Variants in CD2BP2 observed in about 807,000 individuals in gnomAD.
CD2BP2 encodes the protein CD2 cytoplasmic tail binding protein 2, also known as CD2 antigen cytoplasmic tail-binding protein 2.
Under a neutral mutation model 35.9 loss-of-function variants are expected in CD2BP2, and 27 were observed. The ratio of observed to expected loss-of-function variants is 0.75; its 90% CI spans 0.55 to 1.04. CD2BP2 has a LOEUF of 1.04. CD2BP2 is among the 50% of genes least tolerant of loss of function. CD2BP2 has a pLI of 0.00. For synonymous variants in CD2BP2, 213 were observed against 173.5 expected (o/e 1.23, Z -1.79); for missense variants, 497 against 444.3 (o/e 1.12, Z -1.07).
Position 30,353,714 on chromosome 16 carries a change from G to C in CD2BP2, c.462C>G (p.Ala154=). The change falls in exon 5 of 7, where the codon GCC becomes GCG. Residue 154 remains alanine, a synonymous_variant. Transcript: ENST00000305596. Reference sequence around the variant, plus strand: ...CCAAAAGTCCCTCCAAGAGGGCTTGGGCACTCATTGAGGTCTGGCCCAAGC... The same window carrying C: ...CCAAAAGTCCCTCCAAGAGGGCTTGCGCACTCATTGAGGTCTGGCCCAAGC... The part of the protein sequence containing the change: ...EDSLGQTSMS[A]QALLEGLLEL... The C allele has an allele frequency of 6.2e-7, 1 of 1,613,334 alleles. No homozygotes were observed. The highest frequency in any genetic ancestry group is 2.2e-5 in the East Asian group (1 of 44,882).
chr16:30,354,556 G>C, intron 2 of CD2BP2, 48 bp downstream of exon 2: 1 of 1,584,618 alleles, frequency 6.3e-7, no homozygotes, highest in Non-Finnish European at 8.7e-7. Flanking sequence ...TTCCTCTTCA[G>C]GCTTCTAGCT....
rs751605539 is a variant in CD2BP2, at chr16:30,353,293, A to G, written c.809-6T>C. ...ATCTCCCCGCGACTCTGCTTCTAAA[A>G]TAACAGGCAAAGCCATTTGGCCTCC... On this transcript the variant is annotated splice_polypyrimidine_tract_variant and splice_region_variant and intron_variant, in intron 5 of 6. Transcript: ENST00000305596. 5 of 1,614,096 alleles carry G rather than the reference A, an allele frequency of 3.1e-6. No homozygotes were observed. In the East Asian group the frequency reaches 6.7e-5, roughly 22 times the overall value.
chr16:30,353,234 C>T lies in CD2BP2; in HGVS notation c.862G>A (p.Glu288Lys), dbSNP rs766420226. 1.3e-5 allele frequency: 21 copies of T among 1,614,056 alleles called. No homozygotes were observed. Among genetic ancestry groups the T allele is most frequent in the Non-Finnish European group, 1.8e-5 (21 of 1,180,040 alleles). Reference protein sequence around the residue: ...LVDVMWEYKWENTGDAELYGP... With the variant: ...LVDVMWEYKWKNTGDAELYGP... ...TACAGCTCGGCATCCCCCGTGTTCT[C>T]CCACTTATATTCCCACATCACATCC... The change falls in exon 6 of 7, where the codon GAG becomes AAG. Residue 288 changes from glutamate to lysine, a missense_variant. Transcript: ENST00000305596.
Position 30,354,321 on chromosome 16 carries a change from A to G in CD2BP2, c.80T>C (p.Leu27Pro). Reference sequence around the variant, plus strand: ...CCCTGACCCAGCCACAGGGTCCACCAGCTGTGAGCAGGAGCCAGAAAGTTG... The same window carrying G: ...CCCTGACCCAGCCACAGGGTCCACCGGCTGTGAGCAGGAGCCAGAAAGTTG... The part of the protein sequence containing the change: ...EDEIIVPKKK[L>P]VDPVAGSGGP... The change falls in exon 3 of 7, where the codon CTG becomes CCG. Residue 27 changes from leucine (L) to proline (P), a missense_variant and splice_region_variant. Leu to Pro is a moderately conservative substitution (Grantham distance 98, BLOSUM62 -3). Transcript: ENST00000305596. 1.9e-6 allele frequency: 3 copies of G among 1,611,038 alleles called. No homozygotes were observed. The highest frequency in any genetic ancestry group is 2.5e-6 in the Non-Finnish European group (3 of 1,179,006).
At chr16:30,354,934 C>T (rs1469934989) in intron 1 of CD2BP2, 7 of 495,772 alleles carry the variant, frequency 1.4e-5, no homozygotes, top group Admixed American at 1.0e-4. Context: ...CTGGATCCCC[C>T]GACCCTGGCT....
rs141639600 is a variant in CD2BP2, at chr16:30,353,276, G to A, written c.820C>T (p.Arg274Trp). 83 of 1,613,920 alleles carry A rather than the reference G, an allele frequency of 5.1e-5. No homozygotes were observed. Among genetic ancestry groups the A allele is most frequent in the African/African-American group, 1.2e-4 (9 of 74,896 alleles). The change falls in exon 6 of 7, where the codon CGG (arginine) becomes TGG (tryptophan). Residue 274 changes from arginine (R) to tryptophan (W), a missense_variant. Physicochemically the swap from Arg to Trp is moderately radical, Grantham distance 101 (BLOSUM62 -3). Transcript: ENST00000305596. ...TPTQRGEAES[R>W]GDGLVDVMWE... The stretch of plus-strand genomic sequence containing the variant: ...ATCACATCCACCAGACCATCTCCCC[G>A]CGACTCTGCTTCTAAAATAACAGGC...
rs919533495 is a variant in CD2BP2 at position 30,354,846 on chromosome 16, G to A, written c.-26-139C>T. ...GCACAAAAGCAGGGGCCGAAAGGAAGCTGGCAGCCAGGAGGCCTCCAGGAC... is the reference window on the plus strand; with the variant it reads ...GCACAAAAGCAGGGGCCGAAAGGAAACTGGCAGCCAGGAGGCCTCCAGGAC... On this transcript the variant is annotated intron_variant, in intron 1 of 6. Transcript: ENST00000305596. 12 of 687,814 alleles carry A rather than the reference G, an allele frequency of 1.7e-5. No homozygotes were observed. In the East Asian group the frequency reaches 2.8e-4, roughly 16 times the overall value. 42.6% of individuals were successfully genotyped at this position (687,814 alleles called of 1,614,324 possible).
Position 30,354,588 on chromosome 16 carries a change from A to T in CD2BP2, c.78+16T>A, listed in dbSNP as rs1381423097. The T allele has an allele frequency of 6.2e-7, 1 of 1,611,584 alleles. No individual in the cohort carries two copies. Among genetic ancestry groups the T allele is most frequent in the African/African-American group, 1.3e-5 (1 of 74,756 alleles). On this transcript the variant is annotated intron_variant, in intron 2 of 6. Transcript: ENST00000305596. ...AGCTCCTCTTTCCCCCACACAAAGC[A>T]GTCTGGCCCCCTCACCTTCTTCTTG...
At chr16:30,354,409 A>T (rs942287111) in intron 2 of CD2BP2, 87 bp from the exon 3 acceptor site, 3 of 1,490,276 alleles carry the variant, frequency 2.0e-6, no homozygotes, top group Non-Finnish European at 2.7e-6. Flanking sequence ...ATATTCCCCA[A>T]ATATTTCAGG....
Position 30,352,710 on chromosome 16 carries a change from A to C in CD2BP2, c.*275T>G. 1 of 489,342 alleles carries C rather than the reference A, an allele frequency of 2.0e-6. No individual in the cohort carries two copies. The highest frequency in any genetic ancestry group is 3.7e-6 in the Non-Finnish European group (1 of 269,890). The allele number at this position is 489,342 out of a possible 1,614,324, so 30.3% of individuals were successfully genotyped here. ...GGTGTTTACACGGCAAGCAGAGTCC[A>C]GGCAGGGAGGCCACAGGATACCTGA... is the stretch of plus-strand genomic sequence containing the variant. On this transcript the variant is annotated 3_prime_UTR_variant, in exon 7 of 7. Coordinates refer to ENST00000305596, the MANE Select transcript of CD2BP2 (RefSeq NM_006110.3).
At position 30,351,945 on chromosome 16, in the gene CD2BP2, G is replaced by A. The variant is rs1340219181; in HGVS notation, c.*1040C>T. 1 of 152,602 alleles carries A rather than the reference G, an allele frequency of 6.6e-6. No homozygotes were observed. The highest frequency in any genetic ancestry group is 2.4e-5 in the African/African-American group (1 of 41,468). 9.5% of individuals were successfully genotyped at this position (152,602 alleles called of 1,614,324 possible). A position where few individuals can be genotyped will look rare whatever the true frequency, so the allele number is the denominator to read the frequency against. On this transcript the variant is annotated 3_prime_UTR_variant, in exon 7 of 7. Coordinates refer to ENST00000305596, the MANE Select transcript of CD2BP2 (RefSeq NM_006110.3). ...AAGGGGCAGCCAGAGTGCAAAACCG[G>A]AAGAAACCATCTAACGTGGGGCAAG...
chr16:30,353,186 T>A lies in CD2BP2; in HGVS notation c.910A>T (p.Met304Leu), dbSNP rs372095047. 2 of 1,613,056 alleles carry A rather than the reference T, an allele frequency of 1.2e-6. No homozygotes were observed. Among genetic ancestry groups the A allele is most frequent in the African/African-American group, 2.7e-5 (2 of 74,912 alleles). ...GGAGGGAGAAAGCAGCTCACCTGCA[T>A]CTGGGCGCTGGTGAAGGGCCCATAC... Reference protein sequence around the residue: ...ELYGPFTSAQMQTWVSEGYFP... With the variant: ...ELYGPFTSAQLQTWVSEGYFP... Residue 304 changes from methionine (M) to leucine (L), a missense_variant, in exon 6 of 7, where the codon ATG becomes TTG. Physicochemically the swap from Met to Leu is conservative, Grantham distance 15 (BLOSUM62 2). Coordinates refer to ENST00000305596, the MANE Select transcript of CD2BP2 (RefSeq NM_006110.3).
rs2049494480 is a variant in CD2BP2 at position 30,352,958 on chromosome 16, G to A, written c.*27C>T. On this transcript the variant is annotated 3_prime_UTR_variant, in exon 7 of 7. Coordinates refer to ENST00000305596, the MANE Select transcript of CD2BP2 (RefSeq NM_006110.3). ...CCTCCACAAAGTCCAGGAAAGAAGG[G>A]CCCACCAAACTGGGCCCCCAGCAGG... 7.0e-7 allele frequency: 1 copy of A among 1,435,062 alleles called. No homozygotes were observed. Among genetic ancestry groups the A allele is most frequent in the East Asian group, 2.3e-5 (1 of 44,078 alleles). 88.9% of individuals were successfully genotyped at this position (1,435,062 alleles called of 1,614,324 possible).
In CD2BP2 at chr16:30,355,106, C is replaced by A. The variant is rs73532574; in HGVS notation, c.-27+106G>T. 5.7e-3 allele frequency: 1,350 copies of A among 236,572 alleles called. 22 individuals carry two copies. The highest frequency in any genetic ancestry group is 0.03 in the African/African-American group (1,294 of 43,596). The allele number at this position is 236,572 out of a possible 1,614,324, so 14.7% of individuals were successfully genotyped here. ...CTGGCGCTCTCGCCACCCCGTTCCT[C>A]CCTGCTCCGAACTCCCAATTCCGTG... On this transcript the variant is annotated intron_variant, in intron 1 of 6. Coordinates refer to ENST00000305596, the MANE Select transcript of CD2BP2 (RefSeq NM_006110.3).
rs773097558 is a variant in CD2BP2, at chr16:30,352,957, G to T, written c.*28C>A. 3.5e-6 allele frequency: 5 copies of T among 1,424,002 alleles called. 1 individual carries two copies. Among genetic ancestry groups the T allele is most frequent in the Non-Finnish European group, 3.0e-6 (3 of 1,006,876 alleles). 88.2% of individuals were successfully genotyped at this position (1,424,002 alleles called of 1,614,324 possible). ...TCCTCCACAAAGTCCAGGAAAGAAGGGCCCACCAAACTGGGCCCCCAGCAG... is the reference window on the plus strand; with the variant it reads ...TCCTCCACAAAGTCCAGGAAAGAAGTGCCCACCAAACTGGGCCCCCAGCAG... On this transcript the variant is annotated 3_prime_UTR_variant, in exon 7 of 7. Transcript: ENST00000305596.
At chr16:30,354,972 C>G (rs1364905976) in intron 1 of CD2BP2, 1 of 381,598 alleles carries the variant, frequency 2.6e-6, no homozygotes, top group African/African-American at 2.1e-5. Flanking sequence ...ACCACGTGAC[C>G]GCCCCCAACT....
At chr16:30,354,394 C>T (rs1957797635) in intron 2 of CD2BP2, 72 bp from the exon 3 acceptor site, 2 of 1,515,646 alleles carry the variant, frequency 1.3e-6, no homozygotes, top group Non-Finnish European at 1.8e-6. Flanking sequence ...CGGATCTGGA[C>T]CCAAATATTC....
rs368487109 is a variant in CD2BP2 at position 30,353,818 on chromosome 16, A to G, written c.376-18T>C. ...ATCTTCACCTGTAATGGGAAGATGG[A>G]GTGATTTCCCACCAACTGCCACGGG... On this transcript the variant is annotated intron_variant, in intron 4 of 6. Coordinates refer to ENST00000305596, the MANE Select transcript of CD2BP2 (RefSeq NM_006110.3). 1 of 1,605,230 alleles carries G rather than the reference A, an allele frequency of 6.2e-7. No individual in the cohort carries two copies. Among genetic ancestry groups the G allele is most frequent in the Non-Finnish European group, 8.5e-7 (1 of 1,176,998 alleles).
At chr16:30,355,035 T>G in intron 1 of CD2BP2, 177 bp downstream of exon 1, 2 of 285,302 alleles carry the variant, frequency 7.0e-6, no homozygotes, top group Admixed American at 4.8e-5. Context: ...CCCCGCTCTC[T>G]ACCCTGGCTC....
Sources: allele counts gnomAD v4.1 joint callset, GRCh38; gene constraint gnomAD v4.1.1; transcripts MANE v1.5; gene names NCBI Gene and HGNC (gene_info 2026-07-23, HGNC 2026-07-21).